The following ZBTB8A variants were observed in gnomAD, a reference collection of about 807,000 sequenced individuals.
ZBTB8A encodes the protein zinc finger and BTB domain containing 8A, also known as zinc finger and BTB domain-containing protein 8A.
In ZBTB8A, 19 loss-of-function variants were observed where a neutral mutation model predicts 37.8. The ratio of observed to expected loss-of-function variants is 0.50; its 90% CI spans 0.35 to 0.74. The LOEUF (loss-of-function observed/expected upper bound fraction) is 0.74. Among genes scored for constraint, ZBTB8A ranks in the 30% least tolerant of loss-of-function variants. The probability of loss-of-function intolerance (pLI) is 0.01; values close to 1 mark genes in which losing one functional copy is unlikely to be tolerated. For missense variants in ZBTB8A, 394 were observed against 537.8 expected (o/e 0.73, Z 2.65); for synonymous variants, 181 against 185.2 (o/e 0.98, Z 0.19).
chr1:32,583,540 T>C (rs1283719177), intron 2 of ZBTB8A, among the ~76,000 whole-genome samples: 3 of 152,136 alleles, frequency 2.0e-5, no homozygotes, highest in African/African-American at 4.8e-5. Context: ...TAATGTAATA[T>C]ACCATTTTAA....
intron 1 of ZBTB8A, among the ~76,000 whole-genome samples, chr1:32,542,994 A>G (rs139412666): frequency 7.2e-5 from 11 of 152,324 alleles, no homozygotes; most frequent in East Asian, 5.8e-4. Context: ...CAAGAGTACT[A>G]CTATGAATGC....
chr1:32,545,751 C>G (rs1022831911), intron 1 of ZBTB8A, among the ~76,000 whole-genome samples: 13 of 152,196 alleles, frequency 8.5e-5, no homozygotes, highest in Non-Finnish European at 1.9e-4. Context: ...ATTTGGTGCT[C>G]TCTCTGGCTA....
intron 2 of ZBTB8A, among the ~76,000 whole-genome samples, chr1:32,564,523 C>G (rs1644265291): frequency 6.6e-6 from 1 of 152,178 alleles, no homozygotes; most frequent in Non-Finnish European, 1.5e-5. Flanking sequence ...AATTCCCTCT[C>G]TAGAATTTAG....
rs1644598613 is a variant in ZBTB8A, at chr1:32,604,172, G to A, written c.*3753G>A. 1 of 151,934 alleles carries A rather than the reference G, an allele frequency of 6.6e-6. No homozygotes were observed. 9.4% of individuals were successfully genotyped at this position (151,934 alleles called of 1,614,324 possible). ...ACTCCATTACCCTCAAGAGTGTCTG[G>A]GTATAGGATGAAGCATTACAAAAAG... is the stretch of plus-strand genomic sequence containing the variant. On this transcript the variant is annotated 3_prime_UTR_variant, in exon 5 of 5. Coordinates refer to ENST00000373510, the MANE Select transcript of ZBTB8A (RefSeq NM_001040441.3).
In ZBTB8A at chr1:32,558,103, A is replaced by G. The variant is rs541783670; in HGVS notation, c.-2+4563A>G. Reference sequence around the variant, plus strand: ...ATATATAACATATATAGACCTATATATAAACTCTGTGAGCTTGATTAAAGA... The same window carrying G: ...ATATATAACATATATAGACCTATATGTAAACTCTGTGAGCTTGATTAAAGA... On this transcript the variant is annotated intron_variant, in intron 2 of 4. Coordinates refer to ENST00000373510, the MANE Select transcript of ZBTB8A (RefSeq NM_001040441.3). Among the ~76,000 whole-genome samples, 11 of 152,322 alleles carry G rather than the reference A, an allele frequency of 7.2e-5. No individual in the cohort carries two copies. In the East Asian group the frequency reaches 1.3e-3, roughly 19 times the overall value.
At position 32,604,592 on chromosome 1, in the gene ZBTB8A, T is replaced by C. The variant is rs1179454332; in HGVS notation, c.*4173T>C. ...TCAGATCTTAAGACTTTTTAAAATTTAGGAACAAATGTTTCAATATTATAT... is the reference window on the plus strand; with the variant it reads ...TCAGATCTTAAGACTTTTTAAAATTCAGGAACAAATGTTTCAATATTATAT... On this transcript the variant is annotated 3_prime_UTR_variant, in exon 5 of 5. Coordinates refer to ENST00000373510, the MANE Select transcript of ZBTB8A (RefSeq NM_001040441.3). The C allele has an allele frequency of 1.3e-5, 2 of 152,184 alleles. No individual in the cohort carries two copies. Among genetic ancestry groups the C allele is most frequent in the Non-Finnish European group, 2.9e-5 (2 of 68,036 alleles). 9.4% of individuals were successfully genotyped at this position (152,184 alleles called of 1,614,324 possible). A position where few individuals can be genotyped will look rare whatever the true frequency, so the allele number is the denominator to read the frequency against.
At chr1:32,552,481 C>A (rs1225722787) in intron 1 of ZBTB8A, among the ~76,000 whole-genome samples, 1 of 151,932 alleles carries the variant, frequency 6.6e-6, no homozygotes, top group Non-Finnish European at 1.5e-5. Flanking sequence ...CTGGCCAACA[C>A]GGAAAAACTC....
chr1:32,554,120 A>T (rs545538534), intron 2 of ZBTB8A, among the ~76,000 whole-genome samples: 1 of 150,666 alleles, frequency 6.6e-6, no homozygotes, highest in South Asian at 2.1e-4. Context: ...GAATCACTTC[A>T]ATCCGGGCAG....
At chr1:32,564,406 A>G (rs975256701) in intron 2 of ZBTB8A, among the ~76,000 whole-genome samples, 2 of 152,186 alleles carry the variant, frequency 1.3e-5, no homozygotes, top group Non-Finnish European at 2.9e-5. Context: ...TTCACATTGA[A>G]AAAAAGTCTG....
chr1:32,599,982 T>C, intron 4 of ZBTB8A, 105 bp from the exon 5 acceptor site: 1 of 842,808 alleles, frequency 1.2e-6, no homozygotes. Flanking sequence ...AATTTGAGTT[T>C]AATGCATGGC....
Position 32,562,841 on chromosome 1 carries a change from C to T in ZBTB8A, c.-2+9301C>T, listed in dbSNP as rs1644254058. ...CAAGTGATCCACCCACCTCAGCTTC[C>T]CAAAGTGCTAGGATTACAGGCATGA... On this transcript the variant is annotated intron_variant, in intron 2 of 4. Transcript: ENST00000373510. 3.9e-5 allele frequency among the ~76,000 whole-genome samples: 6 copies of T among 152,162 alleles called. No homozygotes were observed. The South Asian group carries it at 1.2e-3, about 32-fold the overall frequency.
intron 2 of ZBTB8A, among the ~76,000 whole-genome samples, chr1:32,583,044 A>G (rs1557713492): frequency 6.6e-6 from 1 of 152,154 alleles, no homozygotes; most frequent in Non-Finnish European, 1.5e-5. Context: ...GTTCATATTT[A>G]TAACTTTCAT....
intron 1 of ZBTB8A, among the ~76,000 whole-genome samples, chr1:32,540,104 C>T (rs1325442485): frequency 6.6e-6 from 1 of 152,130 alleles, no homozygotes; most frequent in Non-Finnish European, 1.5e-5. Context: ...CAAGATGCGA[C>T]ATCTGGGCTT....
intron 2 of ZBTB8A, among the ~76,000 whole-genome samples, chr1:32,580,588 T>C (rs1193468024): frequency 6.6e-6 from 1 of 151,302 alleles, no homozygotes; most frequent in Non-Finnish European, 1.5e-5. Context: ...TTAATGACAA[T>C]ACTGGGGAAA....
chr1:32,543,533 A>C (rs1260489596), intron 1 of ZBTB8A, among the ~76,000 whole-genome samples: 9 of 152,164 alleles, frequency 5.9e-5, no homozygotes, highest in Non-Finnish European at 1.2e-4. Context: ...ATGCCTGTTA[A>C]CAGTCACTCC....
At chr1:32,565,323 C>A (rs932544785) in intron 2 of ZBTB8A, among the ~76,000 whole-genome samples, 1 of 151,480 alleles carries the variant, frequency 6.6e-6, no homozygotes, top group Admixed American at 6.6e-5. Flanking sequence ...AAGACCCTGT[C>A]CCCTCCCCCC....
intron 2 of ZBTB8A, among the ~76,000 whole-genome samples, chr1:32,582,827 A>G (rs189455285): frequency 6.6e-6 from 1 of 152,188 alleles, no homozygotes; most frequent in African/African-American, 2.4e-5. Context: ...AGGACTCAGC[A>G]AAAGCTGGGT....
intron 2 of ZBTB8A, among the ~76,000 whole-genome samples, chr1:32,565,333 C>T (rs969726288): frequency 1.5e-4 from 22 of 151,436 alleles, no homozygotes; most frequent in Admixed American, 1.4e-3. Flanking sequence ...CCCCTCCCCC[C>T]AAAAAAAGAA....
At chr1:32,555,759 A>G (rs1644196827) in intron 2 of ZBTB8A, among the ~76,000 whole-genome samples, 1 of 152,126 alleles carries the variant, frequency 6.6e-6, no homozygotes, top group African/African-American at 2.4e-5. Flanking sequence ...CAGCATTTCT[A>G]GTGGCCTCCT....
Sources: allele counts gnomAD v4.1 joint callset (sites outside exome capture counted in the v4.1 genomes callset), GRCh38; gene constraint gnomAD v4.1.1; transcripts MANE v1.5; gene names NCBI Gene and HGNC (gene_info 2026-07-23, HGNC 2026-07-21).